Variants in PAX7 observed in about 807,000 individuals in gnomAD.
PAX7 encodes paired box 7, also known as paired box protein Pax-7.
A neutral mutation model predicts 50.7 loss-of-function variants in PAX7; 18 were observed. The observed-to-expected ratio is 0.36, with a 90% CI of 0.25 to 0.53. The LOEUF is 0.53. PAX7 is among the 20% of genes least tolerant of loss of function. The pLI is 0.93. For missense variants in PAX7, 644 were observed against 702.9 expected (o/e 0.92, Z 0.95); for synonymous variants, 310 against 290.4 (o/e 1.07, Z -0.69).
At chr1:18,697,244 T>TA in intron 5 of PAX7, among the ~76,000 whole-genome samples, 1 of 152,154 alleles carries the variant, frequency 6.6e-6, no homozygotes. Flanking sequence ...AAATGAAGAA[T>TA]AAAACCCAGC....
intron 4 of PAX7, among the ~76,000 whole-genome samples, chr1:18,663,405 CAG>C (rs2088626479): frequency 6.6e-6 from 1 of 152,180 alleles, no homozygotes; most frequent in Admixed American, 6.5e-5. Flanking sequence ...GTTTTTGAGA[CAG>C]AGTCTTGCTC....
chr1:18,647,101 C>T (rs1172830199), intron 4 of PAX7, among the ~76,000 whole-genome samples: 1 of 151,742 alleles, frequency 6.6e-6, no homozygotes, highest in Non-Finnish European at 1.5e-5. Flanking sequence ...GCACAAAACC[C>T]ACAACAAAAC....
At chr1:18,711,971 C>G (rs1462746320) in intron 7 of PAX7, among the ~76,000 whole-genome samples, 1 of 152,208 alleles carries the variant, frequency 6.6e-6, no homozygotes, top group Non-Finnish European at 1.5e-5. Flanking sequence ...TCCACCAGCC[C>G]CTGGTCACAG....
chr1:18,683,947 T>G (rs958384604), intron 4 of PAX7, among the ~76,000 whole-genome samples: 1 of 152,180 alleles, frequency 6.6e-6, no homozygotes, highest in Non-Finnish European at 1.5e-5. Flanking sequence ...GTGATTGTGC[T>G]GAGGGAGGGT....
At chr1:18,731,302 C>T (rs557124663) in intron 7 of PAX7, among the ~76,000 whole-genome samples, 5 of 152,284 alleles carry the variant, frequency 3.3e-5, no homozygotes, top group South Asian at 4.1e-4. Context: ...CAGAGGCCAG[C>T]GAGGGGCATT....
intron 7 of PAX7, among the ~76,000 whole-genome samples, chr1:18,707,415 C>CT (rs60914648): frequency 0.045 from 1,248 of 28,008 alleles, 16 homozygotes; most frequent in South Asian, 0.067. Flanking sequence ...TTTTTTCTTT[C>CT]TTTTTTTTTT....
At chr1:18,677,706 T>C (rs1557524626) in intron 4 of PAX7, among the ~76,000 whole-genome samples, 1 of 152,180 alleles carries the variant, frequency 6.6e-6, no homozygotes, top group Non-Finnish European at 1.5e-5. Flanking sequence ...GGAAGCTTAA[T>C]CAGTTCTCCT....
At chr1:18,663,639 C>T (rs1167751671) in intron 4 of PAX7, among the ~76,000 whole-genome samples, 1 of 152,208 alleles carries the variant, frequency 6.6e-6, no homozygotes. Flanking sequence ...GTCTCGGCCT[C>T]CCAAAGTGCT....
At chr1:18,664,384 CG>C (rs112770612) in intron 4 of PAX7, among the ~76,000 whole-genome samples, 8 of 152,286 alleles carry the variant, frequency 5.3e-5, no homozygotes, top group African/African-American at 1.7e-4. Flanking sequence ...TTCCAAACCT[CG>C]GGGAGGCCGG....
At chr1:18,713,013 C>T (rs185844811) in intron 7 of PAX7, among the ~76,000 whole-genome samples, 15 of 152,064 alleles carry the variant, frequency 9.9e-5, no homozygotes, top group South Asian at 2.1e-4. Context: ...ATCCAGGAGG[C>T]GGAGGTTGCA....
intron 8 of PAX7, among the ~76,000 whole-genome samples, chr1:18,742,084 A>G (rs971112918): frequency 6.6e-6 from 1 of 152,104 alleles, no homozygotes; most frequent in Non-Finnish European, 1.5e-5. Flanking sequence ...AGGATAGAAC[A>G]AGCTCTCTGT....
intron 7 of PAX7, among the ~76,000 whole-genome samples, chr1:18,703,985 TAAAC>T (rs1294152946): frequency 6.6e-6 from 1 of 152,180 alleles, no homozygotes; most frequent in African/African-American, 2.4e-5. Context: ...TATCCCCTAT[TAAAC>T]AAAGAGAGTC....
chr1:18,631,572 C>A lies in PAX7; in HGVS notation c.-32C>A. On this transcript the variant is annotated 5_prime_UTR_variant, in exon 1 of 9. Coordinates refer to ENST00000420770, the MANE Select transcript of PAX7 (RefSeq NM_001135254.2). ...GGAGCGGACGGGAAGCGATTTTTGC[C>A]GACTTTGGATTCGTCCCCGGCGTGC... is the stretch of plus-strand genomic sequence containing the variant. The A allele has an allele frequency of 2.5e-6, 4 of 1,595,450 alleles. No individual in the cohort carries two copies. The highest frequency in any genetic ancestry group is 2.3e-5 in the South Asian group (2 of 88,714).
At chr1:18,731,228 A>T (rs1348805452) in intron 7 of PAX7, among the ~76,000 whole-genome samples, 1 of 152,206 alleles carries the variant, frequency 6.6e-6, no homozygotes, top group Non-Finnish European at 1.5e-5. Context: ...CTGGATTCCT[A>T]ACTGTGGGCC....
chr1:18,728,312 CTCTG>C (rs534470580), intron 7 of PAX7, among the ~76,000 whole-genome samples: 44 of 152,038 alleles, frequency 2.9e-4, no homozygotes, highest in African/African-American at 1.0e-3. Flanking sequence ...GGATGTCGTT[CTCTG>C]TCTGTTCGTG....
rs927140480 is a variant in PAX7, at chr1:18,631,266, G to A, written c.-338G>A. The A allele has an allele frequency of 1.2e-5, 3 of 258,366 alleles. No individual in the cohort carries two copies. Among genetic ancestry groups the A allele is most frequent in the Non-Finnish European group, 2.2e-5 (3 of 135,168 alleles). 16.0% of individuals were successfully genotyped at this position (258,366 alleles called of 1,614,324 possible). A position where few individuals can be genotyped will look rare whatever the true frequency, so the allele number is the denominator to read the frequency against. On this transcript the variant is annotated 5_prime_UTR_variant, in exon 1 of 9. Coordinates refer to ENST00000420770, the MANE Select transcript of PAX7 (RefSeq NM_001135254.2). ...CTCCGCCGCGGGGCCTGGTCTCCGG[G>A]TTCTGCCAGGCGCATCAGCCCGCAC... is the stretch of plus-strand genomic sequence containing the variant.
intron 4 of PAX7, among the ~76,000 whole-genome samples, chr1:18,651,399 G>A (rs756122611): frequency 2.0e-4 from 30 of 152,078 alleles, no homozygotes; most frequent in Non-Finnish European, 3.5e-4. Flanking sequence ...ATTTCGCATC[G>A]TAAAAAAGTA....
intron 4 of PAX7, among the ~76,000 whole-genome samples, chr1:18,688,315 G>A (rs183760352): frequency 4.6e-5 from 7 of 152,322 alleles, no homozygotes; most frequent in East Asian, 1.9e-4. Flanking sequence ...AGTTGTGAGC[G>A]TGGGGCCTGC....
At chr1:18,658,825 C>A (rs1205932586) in intron 4 of PAX7, among the ~76,000 whole-genome samples, 1 of 152,202 alleles carries the variant, frequency 6.6e-6, no homozygotes, top group African/African-American at 2.4e-5. Flanking sequence ...ATGAAGTTGC[C>A]TTGGGAGAAA....
Sources: allele counts gnomAD v4.1 joint callset (sites outside exome capture counted in the v4.1 genomes callset), GRCh38; gene constraint gnomAD v4.1.1; transcripts MANE v1.5; gene names NCBI Gene and HGNC (gene_info 2026-07-23, HGNC 2026-07-21).